SCFD2: variants seen among roughly 807,000 people sequenced by gnomAD.
The protein encoded by SCFD2 is sec1 family domain containing 2.
A neutral mutation model predicts 58.9 loss-of-function variants in SCFD2; 54 were observed. That is an observed-to-expected ratio of 0.92 (90% CI 0.74 to 1.15). The LOEUF (loss-of-function observed/expected upper bound fraction) is 1.15. Ranked by LOEUF, SCFD2 falls within the 50% of genes most tolerant of loss-of-function variation. SCFD2 has a pLI of 0.00. For synonymous variants in SCFD2, 321 were observed against 335.9 expected (o/e 0.96, Z 0.49); for missense variants, 805 against 836.6 (o/e 0.96, Z 0.47).
At position 53,139,863 on chromosome 4, in the gene SCFD2, A is replaced by T. The variant is rs577908354; in HGVS notation, c.1561+5470T>A. On this transcript the variant is annotated intron_variant, in intron 5 of 8. Coordinates refer to ENST00000401642, the MANE Select transcript of SCFD2 (RefSeq NM_152540.4). Reference sequence around the variant, plus strand: ...AGATTCCATTTTGTTCTATACTAAGAAAAATTCTTCTGCCTTGGGATGCTG... The same window carrying T: ...AGATTCCATTTTGTTCTATACTAAGTAAAATTCTTCTGCCTTGGGATGCTG... Among the ~76,000 whole-genome samples, 745 of 152,360 alleles carry T rather than the reference A, an allele frequency of 4.9e-3. 6 individuals are homozygous for T. The highest frequency in any genetic ancestry group is 0.017 in the African/African-American group (696 of 41,582).
At position 52,910,365 on chromosome 4, in the gene SCFD2, GGTAAGTGATGA is replaced by G. The variant is rs1560478243; in HGVS notation, c.1708-2785_1708-2775del. On this transcript the variant is annotated intron_variant, in intron 6 of 8. Transcript: ENST00000401642. ...TGAAGCAGAGAGCTGGAGAAACCTT[GGTAAGTGATGA>G]CTTATAGAGCCACTATCACCATAAC... Among the ~76,000 whole-genome samples, 126 of 152,266 alleles carry G rather than the reference GGTAAGTGATGA, an allele frequency of 8.3e-4. 1 individual carries two copies. The highest frequency in any genetic ancestry group is 2.9e-3 in the African/African-American group (119 of 41,568).
At chr4:53,139,599 C>G (rs1726061894) in intron 5 of SCFD2, among the ~76,000 whole-genome samples, 1 of 149,382 alleles carries the variant, frequency 6.7e-6, no homozygotes, top group East Asian at 2.0e-4. Context: ...GGGGGCAGCC[C>G]CCGCCCGGCT....
At chr4:53,342,370 CATA>C (rs1394397293) in intron 2 of SCFD2, among the ~76,000 whole-genome samples, 1 of 152,144 alleles carries the variant, frequency 6.6e-6, no homozygotes, top group African/African-American at 2.4e-5. Context: ...AAGGCCATTA[CATA>C]ATGATAAAGG....
rs550883514 is a variant in SCFD2, at chr4:52,988,383, CA to C, written c.1562-67514del. On this transcript the variant is annotated intron_variant, in intron 5 of 8. Transcript: ENST00000401642. Reference sequence around the variant, plus strand: ...AATAATTTAAAGAAACAGTGAAAAACAAAATAATGTTGCTTTAGGACCTAAT... The same window carrying C: ...AATAATTTAAAGAAACAGTGAAAAACAAATAATGTTGCTTTAGGACCTAAT... Among the ~76,000 whole-genome samples the C allele has an allele frequency of 4.3e-3, 648 of 152,252 alleles. 3 individuals carry two copies. The highest frequency in any genetic ancestry group is 0.015 in the African/African-American group (621 of 41,538).
chr4:53,100,628 G>A (rs1233820045), intron 5 of SCFD2, among the ~76,000 whole-genome samples: 1 of 152,108 alleles, frequency 6.6e-6, no homozygotes, highest in African/African-American at 2.4e-5. Flanking sequence ...AAAGCGTACT[G>A]TAAGAATAAA....
chr4:52,934,381 G>T (rs1310238966), intron 5 of SCFD2, among the ~76,000 whole-genome samples: 3 of 152,350 alleles, frequency 2.0e-5, no homozygotes, highest in Non-Finnish European at 4.4e-5. Flanking sequence ...CTCATGTAGG[G>T]TCAAGCATCC....
chr4:53,275,419 T>A (rs1008590756), intron 3 of SCFD2, among the ~76,000 whole-genome samples: 2 of 152,198 alleles, frequency 1.3e-5, no homozygotes, highest in Non-Finnish European at 2.9e-5. Flanking sequence ...AAGCATGGGT[T>A]TGTTCCTGAT....
At chr4:53,133,578 C>A (rs1015838173) in intron 5 of SCFD2, among the ~76,000 whole-genome samples, 1 of 152,148 alleles carries the variant, frequency 6.6e-6, no homozygotes, top group African/African-American at 2.4e-5. Flanking sequence ...TAGACCCAGA[C>A]TTTTCCAAAG....
chr4:52,933,748 T>C (rs1313746106), intron 5 of SCFD2, among the ~76,000 whole-genome samples: 1 of 152,214 alleles, frequency 6.6e-6, no homozygotes, highest in African/African-American at 2.4e-5. Flanking sequence ...AGTTAGAATT[T>C]CTTTTGGGCC....
intron 4 of SCFD2, among the ~76,000 whole-genome samples, chr4:53,188,118 T>C (rs60386420): frequency 6.4e-4 from 97 of 151,980 alleles, no homozygotes; most frequent in African/African-American, 2.3e-3. Context: ...TAAATGGCAA[T>C]AGAAAAAAAG....
intron 4 of SCFD2, among the ~76,000 whole-genome samples, chr4:53,188,419 G>A (rs555765773): frequency 0.16 from 1,016 of 6,348 alleles, 3 homozygotes; most frequent in Non-Finnish European, 0.19. Context: ...TTCAAAACTG[G>A]TGTGTGTGTG....
At chr4:53,043,539 A>T (rs915502246) in intron 5 of SCFD2, among the ~76,000 whole-genome samples, 21 of 152,200 alleles carry the variant, frequency 1.4e-4, no homozygotes, top group African/African-American at 4.8e-4. Context: ...ATTATCTGGA[A>T]CAAAATTTCT....
intron 5 of SCFD2, among the ~76,000 whole-genome samples, chr4:52,970,089 A>G (rs1721059383): frequency 6.6e-6 from 1 of 152,206 alleles, no homozygotes. Flanking sequence ...TCCCAGCGTG[A>G]GCGACACAGA....
chr4:53,329,038 G>C (rs1290647590), intron 2 of SCFD2, among the ~76,000 whole-genome samples: 2 of 152,224 alleles, frequency 1.3e-5, no homozygotes, highest in Non-Finnish European at 2.9e-5. Flanking sequence ...TTTTCGGACC[G>C]GGTTAAAAAA....
At chr4:53,143,715 G>T (rs1423017213) in intron 5 of SCFD2, among the ~76,000 whole-genome samples, 1 of 151,464 alleles carries the variant, frequency 6.6e-6, no homozygotes, top group Non-Finnish European at 1.5e-5. Context: ...CCCAACAGAG[G>T]ACAAGAGGAA....
intron 2 of SCFD2, among the ~76,000 whole-genome samples, chr4:53,320,009 T>C (rs1419084150): frequency 6.6e-6 from 1 of 152,224 alleles, no homozygotes; most frequent in Non-Finnish European, 1.5e-5. Context: ...CCCCTTACAG[T>C]TATTACTAAT....
chr4:52,956,320 T>C (rs1469038310), intron 5 of SCFD2: 1 of 452,628 alleles, frequency 2.2e-6, no homozygotes, highest in Non-Finnish European at 4.4e-6. Context: ...GGTGGCTTCA[T>C]GACAGAGGTC....
At chr4:53,327,974 C>CA (rs765928561) in intron 2 of SCFD2, among the ~76,000 whole-genome samples, 21 of 151,228 alleles carry the variant, frequency 1.4e-4, no homozygotes, top group South Asian at 6.3e-4. Context: ...ACTAAAAATA[C>CA]AAAAAAAAGA....
At chr4:53,161,636 A>G (rs920998180) in intron 4 of SCFD2, among the ~76,000 whole-genome samples, 5 of 152,154 alleles carry the variant, frequency 3.3e-5, no homozygotes, top group African/African-American at 1.2e-4. Context: ...AGAACTGCCA[A>G]GTTTAAGAGG....
Sources: allele counts gnomAD v4.1 joint callset (sites outside exome capture counted in the v4.1 genomes callset), GRCh38; gene constraint gnomAD v4.1.1; transcripts MANE v1.5; gene names NCBI Gene and HGNC (gene_info 2026-07-23, HGNC 2026-07-21).